Variants in CHSY3 observed in about 807,000 individuals in gnomAD.
CHSY3 encodes chondroitin sulfate synthase 3.
In CHSY3, 35 loss-of-function variants were observed where a neutral mutation model predicts 67.2. That is an observed-to-expected ratio of 0.52 (90% CI 0.40 to 0.69). CHSY3 has a LOEUF of 0.69. CHSY3 is among the 30% of genes least tolerant of loss of function. The pLI is 0.00. For synonymous variants in CHSY3, 474 were observed against 434.7 expected, an observed-to-expected ratio of 1.09 and a Z score of -1.12; for missense variants, 1,069 against 1,138.5, an observed-to-expected ratio of 0.94 and a Z score of 0.88.
intron 2 of CHSY3, among the ~76,000 whole-genome samples, chr5:130,069,668 G>T (rs1258015622): frequency 6.6e-6 from 1 of 151,774 alleles, no homozygotes; most frequent in Admixed American, 6.6e-5. Flanking sequence ...TATCATATAT[G>T]ATTTGAATCT....
chr5:130,146,744 A>G (rs541722777), intron 2 of CHSY3, among the ~76,000 whole-genome samples: 1 of 152,078 alleles, frequency 6.6e-6, no homozygotes, highest in African/African-American at 2.4e-5. Flanking sequence ...CTACAATTAT[A>G]GTGTGCTAAT....
At position 129,923,764 on chromosome 5, in the gene CHSY3, G is replaced by A. The variant is rs191372958; in HGVS notation, c.1086+15404G>A. ...AGGCACTTTGGGACAGTAGTAAAAC[G>A]GGATGAGAGAGGAAAAAACATGGGA... On this transcript the variant is annotated intron_variant, in intron 2 of 2. Coordinates refer to ENST00000305031, the MANE Select transcript of CHSY3 (RefSeq NM_175856.5). Among the ~76,000 whole-genome samples, 6 of 152,266 alleles carry A rather than the reference G, an allele frequency of 3.9e-5. No individual in the cohort carries two copies. In the East Asian group the frequency reaches 1.2e-3, roughly 29 times the overall value.
rs79139376 is a variant in CHSY3 at position 129,973,678 on chromosome 5, C to T, written c.1086+65318C>T. Among the ~76,000 whole-genome samples, 595 of 152,192 alleles carry T rather than the reference C, an allele frequency of 3.9e-3. 3 individuals carry two copies. Among genetic ancestry groups the T allele is most frequent in the African/African-American group, 0.014 (570 of 41,558 alleles). On this transcript the variant is annotated intron_variant, in intron 2 of 2. Coordinates refer to ENST00000305031, the MANE Select transcript of CHSY3 (RefSeq NM_175856.5). ...TACAGGCATTGCCTTGATTAAAGGC[C>T]TCATTACCTCTCCTAGAGGAATGAT... is the stretch of plus-strand genomic sequence containing the variant.
intron 2 of CHSY3, among the ~76,000 whole-genome samples, chr5:129,935,060 A>G (rs759864284): frequency 6.6e-6 from 1 of 152,222 alleles, no homozygotes; most frequent in Non-Finnish European, 1.5e-5. Context: ...TCGTAAAGAT[A>G]AACAAAATTT....
intron 1 of CHSY3, 43 bp from the exon 2 acceptor site, chr5:129,908,034 A>G: frequency 6.3e-7 from 1 of 1,585,338 alleles, no homozygotes; most frequent in Middle Eastern, 1.9e-4. Context: ...ATAAGTGATT[A>G]TGAAATAAGG....
intron 2 of CHSY3, among the ~76,000 whole-genome samples, chr5:129,974,169 A>G (rs1007554822): frequency 1.3e-5 from 2 of 152,154 alleles, no homozygotes; most frequent in African/African-American, 4.8e-5. Context: ...ATAGCCTGTA[A>G]TTGGAAGGGA....
chr5:130,088,413 G>T (rs1766747313), intron 2 of CHSY3, among the ~76,000 whole-genome samples: 1 of 150,804 alleles, frequency 6.6e-6, no homozygotes, highest in Non-Finnish European at 1.5e-5. Context: ...CACAGCAAAA[G>T]AAATTACCAT....
At chr5:130,114,305 T>G (rs533142614) in intron 2 of CHSY3, 3 of 152,280 alleles carry the variant, frequency 2.0e-5, no homozygotes, top group Non-Finnish European at 2.9e-5. Flanking sequence ...AAACTATGTA[T>G]AATAATGAAT....
At chr5:129,995,545 G>C (rs1288195877) in intron 2 of CHSY3, among the ~76,000 whole-genome samples, 2 of 142,044 alleles carry the variant, frequency 1.4e-5, no homozygotes, top group Non-Finnish European at 3.0e-5. Flanking sequence ...GTCTCACTCT[G>C]TTGCCCAGGC....
intron 2 of CHSY3, among the ~76,000 whole-genome samples, chr5:130,024,620 C>G (rs1358302838): frequency 6.6e-6 from 1 of 152,072 alleles, no homozygotes; most frequent in Non-Finnish European, 1.5e-5. Context: ...TTGCTGATTT[C>G]ATATTGACAA....
chr5:130,145,703 G>GGATT (rs1318239437), intron 2 of CHSY3, among the ~76,000 whole-genome samples: 1 of 152,092 alleles, frequency 6.6e-6, no homozygotes, highest in African/African-American at 2.4e-5. Context: ...CTATACATCT[G>GGATT]ACAGTGGGTT....
chr5:130,051,931 T>C (rs2149671849), intron 2 of CHSY3, among the ~76,000 whole-genome samples: 1 of 120,002 alleles, frequency 8.3e-6, no homozygotes, highest in East Asian at 2.2e-4. Flanking sequence ...ACTGTGTGCA[T>C]TAAAATTCTT....
chr5:130,051,772 AG>A (rs1467580482), intron 2 of CHSY3, among the ~76,000 whole-genome samples: 1 of 152,094 alleles, frequency 6.6e-6, no homozygotes, highest in Non-Finnish European at 1.5e-5. Context: ...GGGAAAGATA[AG>A]GGGAGAAAAG....
intron 2 of CHSY3, among the ~76,000 whole-genome samples, chr5:129,944,337 G>A (rs1398345676): frequency 6.6e-6 from 1 of 152,160 alleles, no homozygotes; most frequent in Non-Finnish European, 1.5e-5. Flanking sequence ...TACAAGCTGT[G>A]TGTAGATGGT....
At chr5:130,169,766 T>G (rs1769848991) in intron 2 of CHSY3, among the ~76,000 whole-genome samples, 1 of 151,860 alleles carries the variant, frequency 6.6e-6, no homozygotes, top group Non-Finnish European at 1.5e-5. Context: ...AAGAATCTAC[T>G]TGGTATTTGA....
chr5:129,914,154 A>C (rs893904658), intron 2 of CHSY3, among the ~76,000 whole-genome samples: 8 of 152,122 alleles, frequency 5.3e-5, no homozygotes, highest in South Asian at 2.1e-4. Flanking sequence ...CTTGTCGTCC[A>C]GGCTGGAGTG....
intron 2 of CHSY3, among the ~76,000 whole-genome samples, chr5:129,918,253 G>T (rs900398839): frequency 3.3e-5 from 5 of 152,062 alleles, no homozygotes; most frequent in African/African-American, 1.2e-4. Flanking sequence ...CACTGTACAA[G>T]GCTTAAGGTT....
rs191822097 is a variant in CHSY3, at chr5:130,110,550, C to G, written c.1087-73679C>G. Among the ~76,000 whole-genome samples, 49 of 152,048 alleles carry G rather than the reference C, an allele frequency of 3.2e-4. 1 individual carries two copies. The East Asian group carries it at 8.5e-3, about 26-fold the overall frequency. The stretch of plus-strand genomic sequence containing the variant: ...TTCTGCCCAGAGGGTTTTGTGCTGA[C>G]AGTATGTGAAGCCCAGACCTCATAA... On this transcript the variant is annotated intron_variant, in intron 2 of 2. Transcript: ENST00000305031.
chr5:130,122,030 G>A (rs1229173136), intron 2 of CHSY3, among the ~76,000 whole-genome samples: 2 of 152,178 alleles, frequency 1.3e-5, no homozygotes, highest in Admixed American at 1.3e-4. Flanking sequence ...GGCAATATGA[G>A]TGAGTACACT....
Sources: allele counts gnomAD v4.1 joint callset (sites outside exome capture counted in the v4.1 genomes callset), GRCh38; gene constraint gnomAD v4.1.1; transcripts MANE v1.5; gene names NCBI Gene and HGNC (gene_info 2026-07-23, HGNC 2026-07-21).